Variants in C6 observed in about 807,000 individuals in gnomAD.
The protein encoded by C6 is complement component C6.
Under a neutral mutation model 112.9 loss-of-function variants are expected in C6, and 101 were observed. The ratio of observed to expected loss-of-function variants is 0.89; its 90% CI spans 0.76 to 1.06. The LOEUF (loss-of-function observed/expected upper bound fraction) is 1.06. Among genes scored for constraint, C6 ranks in the 50% least tolerant of loss-of-function variants. The pLI is 0.00. For synonymous variants in C6, 431 were observed against 384.1 expected (o/e 1.12, Z -1.43); for missense variants, 1,202 against 1,104.6 (o/e 1.09, Z -1.25).
At chr5:41,201,798 A>G in intron 2 of C6, 84 bp from the exon 3 acceptor site, 1 of 1,248,956 alleles carries the variant, frequency 8.0e-7, no homozygotes, top group Non-Finnish European at 1.2e-6. Flanking sequence ...TTGAGCATTA[A>G]CTACAATAAA....
At chr5:41,189,786 A>T (rs1282462993) in intron 5 of C6, among the ~76,000 whole-genome samples, 1 of 151,908 alleles carries the variant, frequency 6.6e-6, no homozygotes, top group Non-Finnish European at 1.5e-5. Context: ...TACTCTTTCC[A>T]GTCTCTTGTA....
intron 1 of C6, 35 bp downstream of exon 1, chr5:41,213,341 A>G: frequency 3.3e-6 from 3 of 898,682 alleles, no homozygotes; most frequent in Non-Finnish European, 4.0e-6. Context: ...ATTTTGAAAT[A>G]TTAAGATTGA....
intron 2 of C6, 38 bp downstream of exon 2, chr5:41,203,050 T>C (rs2150369068): frequency 6.2e-7 from 1 of 1,607,108 alleles, no homozygotes; most frequent in Admixed American, 1.7e-5. Context: ...CTTGAGTCCT[T>C]CCAGGACACA....
intron 8 of C6, among the ~76,000 whole-genome samples, chr5:41,174,770 A>G (rs753311553): frequency 9.9e-5 from 15 of 152,224 alleles, no homozygotes; most frequent in Admixed American, 4.6e-4. Context: ...TTATTGAATA[A>G]GGCATAGCAA....
intron 1 of C6, among the ~76,000 whole-genome samples, chr5:41,243,569 G>A (rs1580250121): frequency 6.6e-6 from 1 of 152,226 alleles, no homozygotes; most frequent in East Asian, 1.9e-4. Flanking sequence ...TGGGAACAAT[G>A]AGACTAGTTA....
rs561730813 is a variant in C6 at position 41,231,479 on chromosome 5, G to T, written c.-20-28229C>A. On this transcript the variant is annotated intron_variant, in intron 1 of 17. Coordinates refer to the C6 transcript ENST00000263413. The stretch of plus-strand genomic sequence containing the variant: ...TTTTAACTGATGACAGCTTAACTTT[G>T]TTCACATACAAAAACTACACTTTTG... Among the ~76,000 whole-genome samples the T allele has an allele frequency of 2.0e-5, 3 of 152,164 alleles. No individual in the cohort carries two copies. In the South Asian group the frequency reaches 6.2e-4, roughly 32 times the overall value.
intron 9 of C6, among the ~76,000 whole-genome samples, chr5:41,166,763 T>C (rs1748012714): frequency 6.6e-6 from 1 of 152,130 alleles, no homozygotes; most frequent in Non-Finnish European, 1.5e-5. Context: ...ATAGAGATGG[T>C]AATCAGGTAA....
At chr5:41,165,356 C>T (rs1376516964) in intron 9 of C6, among the ~76,000 whole-genome samples, 1 of 152,060 alleles carries the variant, frequency 6.6e-6, no homozygotes, top group Non-Finnish European at 1.5e-5. Flanking sequence ...TAGATATTGC[C>T]AAATAGTTTC....
Position 41,199,927 on chromosome 5 carries a change from G to A in C6, c.301-15C>T. 5 of 1,613,284 alleles carry A rather than the reference G, an allele frequency of 3.1e-6. No homozygotes were observed. The highest frequency in any genetic ancestry group is 4.2e-6 in the Non-Finnish European group (5 of 1,179,498). On this transcript the variant is annotated splice_polypyrimidine_tract_variant and intron_variant, in intron 3 of 17. Transcript: ENST00000337836. ...CTAACTTTAGACTGAAAGGAAAGAA[G>A]AGAAAGATATAACTCTGAGGCAGGG...
At chr5:41,209,081 A>G (rs889323872) in intron 1 of C6, among the ~76,000 whole-genome samples, 1 of 152,210 alleles carries the variant, frequency 6.6e-6, no homozygotes, top group African/African-American at 2.4e-5. Context: ...CAAATCAATA[A>G]ATGTAATCCA....
chr5:41,235,311 G>A (rs1319948231), intron 1 of C6, among the ~76,000 whole-genome samples: 14 of 142,070 alleles, frequency 9.9e-5, no homozygotes, highest in Non-Finnish European at 1.5e-4. Context: ...CCACCTATGC[G>A]TGAGAATATG....
intron 1 of C6, among the ~76,000 whole-genome samples, chr5:41,236,346 A>G (rs1740301082): frequency 6.7e-6 from 1 of 149,178 alleles, no homozygotes; most frequent in African/African-American, 2.5e-5. Flanking sequence ...TCCTTTCCCC[A>G]TTGCTTGTTT....
intron 6 of C6, among the ~76,000 whole-genome samples, chr5:41,184,482 C>CT (rs71278696): frequency 0.36 from 54,402 of 149,260 alleles, 10,083 homozygotes; most frequent in Non-Finnish European, 0.41. Flanking sequence ...CTTTTCTTTT[C>CT]TTTTTTTTTG....
chr5:41,222,037 G>A (rs1739203380), intron 1 of C6, among the ~76,000 whole-genome samples: 1 of 151,594 alleles, frequency 6.6e-6, no homozygotes, highest in Non-Finnish European at 1.5e-5. Flanking sequence ...ATGGTGGCGG[G>A]CACCTGTAAT....
intron 2 of C6, 103 bp from the exon 3 acceptor site, chr5:41,201,817 A>G (rs1426379318): frequency 4.4e-6 from 5 of 1,134,304 alleles, no homozygotes; most frequent in Non-Finnish European, 2.6e-6. Flanking sequence ...AATAGAAAAG[A>G]AAGAAAATTT....
At position 41,186,439 on chromosome 5, in the gene C6, A is replaced by G. The variant is rs1431472478; in HGVS notation, c.588-231T>C. ...TCTATTAGGTTCTCCTATTCCACTT[A>G]CTTAATTGTTCTTGGCTTTCAACAT... On this transcript the variant is annotated intron_variant, in intron 5 of 17. Transcript: ENST00000337836. The G allele has an allele frequency of 7.5e-6, 4 of 530,012 alleles. No homozygotes were observed. In the East Asian group the frequency reaches 1.3e-4, roughly 18 times the overall value. The allele number at this position is 530,012 out of a possible 1,614,324, so 32.8% of individuals were successfully genotyped here.
At chr5:41,189,247 C>T (rs1052649231) in intron 5 of C6, among the ~76,000 whole-genome samples, 1 of 151,914 alleles carries the variant, frequency 6.6e-6, no homozygotes, top group Non-Finnish European at 1.5e-5. Flanking sequence ...GTATAATTAC[C>T]ATAAGACCCT....
chr5:41,190,232 G>A (rs1485749228), intron 5 of C6, among the ~76,000 whole-genome samples: 1 of 152,154 alleles, frequency 6.6e-6, no homozygotes, highest in African/African-American at 2.4e-5. Context: ...CTCACCAACA[G>A]TGTATGAGCT....
intron 10 of C6, 27 bp downstream of exon 10, chr5:41,161,666 C>G (rs1207183331): frequency 6.2e-7 from 1 of 1,601,160 alleles, no homozygotes; most frequent in Non-Finnish European, 8.6e-7. Flanking sequence ...CTTTAGATCT[C>G]TTACCTGGAA....
Sources: allele counts gnomAD v4.1 joint callset (sites outside exome capture counted in the v4.1 genomes callset), GRCh38; gene constraint gnomAD v4.1.1; transcripts MANE v1.5; gene names NCBI Gene and HGNC (gene_info 2026-07-23, HGNC 2026-07-21).